Variants in ZMAT3 observed in about 807,000 individuals in gnomAD.
ZMAT3 encodes the protein zinc finger matrin-type 3, also known as zinc finger matrin-type protein 3.
A neutral mutation model predicts 32.3 loss-of-function variants in ZMAT3; 17 were observed. That is an observed-to-expected ratio of 0.53 (90% CI 0.36 to 0.79). The LOEUF (loss-of-function observed/expected upper bound fraction) is 0.79. Ranked by LOEUF, ZMAT3 falls within the 30% of genes least tolerant of loss-of-function variation. The pLI is 0.00. For synonymous variants in ZMAT3, 120 were observed against 133.1 expected (o/e 0.90, Z 0.68); for missense variants, 329 against 359.7 (o/e 0.91, Z 0.69).
At chr3:179,032,774 C>A (rs1719342035) in intron 2 of ZMAT3, among the ~76,000 whole-genome samples, 2 of 151,918 alleles carry the variant, frequency 1.3e-5, no homozygotes, top group Non-Finnish European at 2.9e-5. Flanking sequence ...CGCAGCCGCC[C>A]CGTCTGGGAA....
At chr3:179,058,522 C>T (rs1423098939) in intron 2 of ZMAT3, among the ~76,000 whole-genome samples, 2 of 151,998 alleles carry the variant, frequency 1.3e-5, no homozygotes, top group East Asian at 1.9e-4. Flanking sequence ...TTTGGGAGGC[C>T]GAGGCGGGCG....
chr3:179,070,104 G>A (rs1560101933), intron 1 of ZMAT3, among the ~76,000 whole-genome samples: 1 of 147,652 alleles, frequency 6.8e-6, no homozygotes. Flanking sequence ...TAGTTCATTA[G>A]TGAAAAGGTG....
At chr3:179,038,324 T>C (rs1454669360) in intron 2 of ZMAT3, among the ~76,000 whole-genome samples, 1 of 152,212 alleles carries the variant, frequency 6.6e-6, no homozygotes, top group Non-Finnish European at 1.5e-5. Flanking sequence ...CTCATGCCTA[T>C]AATCCCAGCA....
At chr3:179,042,008 A>T (rs1270403064) in intron 2 of ZMAT3, among the ~76,000 whole-genome samples, 1 of 152,216 alleles carries the variant, frequency 6.6e-6, no homozygotes, top group African/African-American at 2.4e-5. Flanking sequence ...ACTCCTGGGC[A>T]CATACACCCT....
intron 2 of ZMAT3, among the ~76,000 whole-genome samples, chr3:179,056,482 T>C (rs533814129): frequency 9.2e-5 from 14 of 152,142 alleles, no homozygotes; most frequent in Non-Finnish European, 1.9e-4. Flanking sequence ...CAAGTAGAAA[T>C]AAGCCGCCCC....
Position 179,023,157 on chromosome 3 carries a change from T to C in ZMAT3, c.*1860A>G, listed in dbSNP as rs950202555. 1 of 121,652 alleles carries C rather than the reference T, an allele frequency of 8.2e-6. No homozygotes were observed. The highest frequency in any genetic ancestry group is 3.3e-5 in the African/African-American group (1 of 30,020). 7.5% of individuals were successfully genotyped at this position (121,652 alleles called of 1,614,324 possible). On this transcript the variant is annotated 3_prime_UTR_variant, in exon 6 of 6. Coordinates refer to ENST00000311417, the MANE Select transcript of ZMAT3 (RefSeq NM_022470.4). ...CATTAGTTAATCTAGATATATATTA[T>C]AGCTTCTTTTTTTTTTTTTTTGGAG...
intron 2 of ZMAT3, among the ~76,000 whole-genome samples, chr3:179,047,612 G>A (rs1720310949): frequency 6.6e-6 from 1 of 152,030 alleles, no homozygotes; most frequent in Non-Finnish European, 1.5e-5. Context: ...CAGCACTTTG[G>A]GAGGCTGAGG....
At chr3:179,058,057 G>A (rs1348785209) in intron 2 of ZMAT3, among the ~76,000 whole-genome samples, 1 of 152,192 alleles carries the variant, frequency 6.6e-6, no homozygotes. Context: ...CTTGCAACCC[G>A]TGGTATACCT....
At chr3:179,028,926 G>A (rs1448928826) in intron 3 of ZMAT3, among the ~76,000 whole-genome samples, 2 of 152,098 alleles carry the variant, frequency 1.3e-5, no homozygotes, top group Non-Finnish European at 2.9e-5. Context: ...TTGGGAGGCC[G>A]AGGCAGGTGG....
chr3:179,064,504 A>T (rs1721305430), intron 2 of ZMAT3, among the ~76,000 whole-genome samples: 1 of 152,118 alleles, frequency 6.6e-6, no homozygotes, highest in South Asian at 2.1e-4. Context: ...ATTATAGCTC[A>T]CTGCTGCCTC....
At chr3:179,038,544 C>T (rs1719730710) in intron 2 of ZMAT3, among the ~76,000 whole-genome samples, 1 of 152,198 alleles carries the variant, frequency 6.6e-6, no homozygotes, top group Non-Finnish European at 1.5e-5. Context: ...CAATGCTACA[C>T]TCCAGCTGGG....
At chr3:179,038,044 A>G (rs1263094916) in intron 2 of ZMAT3, among the ~76,000 whole-genome samples, 2 of 152,168 alleles carry the variant, frequency 1.3e-5, no homozygotes, top group African/African-American at 4.8e-5. Context: ...ACAGGGAGAG[A>G]GTGGGGTGGG....
chr3:179,051,082 A>T (rs545605105), intron 2 of ZMAT3, among the ~76,000 whole-genome samples: 1 of 152,222 alleles, frequency 6.6e-6, no homozygotes, highest in South Asian at 2.1e-4. Context: ...GGAGCAAGAC[A>T]AGGATGCCCA....
intron 2 of ZMAT3, among the ~76,000 whole-genome samples, chr3:179,039,176 G>C (rs1255544355): frequency 1.3e-5 from 2 of 152,230 alleles, no homozygotes; most frequent in African/African-American, 4.8e-5. Flanking sequence ...AAAGTTCAAT[G>C]TCCCTTTCTG....
chr3:179,048,286 C>T (rs1720352618), intron 2 of ZMAT3, among the ~76,000 whole-genome samples: 1 of 152,168 alleles, frequency 6.6e-6, no homozygotes, highest in African/African-American at 2.4e-5. Flanking sequence ...GAGATCTAGA[C>T]ATCCGAATAC....
intron 2 of ZMAT3, among the ~76,000 whole-genome samples, chr3:179,044,650 A>G (rs1360431162): frequency 6.6e-6 from 1 of 152,186 alleles, no homozygotes; most frequent in Non-Finnish European, 1.5e-5. Context: ...TCTCAAAAGA[A>G]AAAAAGAAAG....
In ZMAT3 at chr3:179,067,651, T is replaced by C. The variant is rs977521622; in HGVS notation, c.102A>G (p.Pro34=). The change falls in exon 2 of 6, where the codon CCA becomes CCG. Residue 34 remains proline (P), a synonymous_variant. Transcript: ENST00000311417. ...CCTCCTGCCCAAAAGGCTTCTGTGG[T>C]GGAAGCTGCAAGGTTCCTGTAGACC... ...ATRSTGTLQL[P]PQKPFGQEAS... The C allele has an allele frequency of 6.2e-7, 1 of 1,614,032 alleles. No individual in the cohort carries two copies. The highest frequency in any genetic ancestry group is 1.3e-5 in the African/African-American group (1 of 74,920).
intron 1 of ZMAT3, chr3:179,071,223 A>T (rs2108596558): frequency 6.6e-6 from 1 of 152,316 alleles, no homozygotes; most frequent in Non-Finnish European, 1.5e-5. Flanking sequence ...AATCCTAGAG[A>T]ACTGTTTACA....
At chr3:179,038,657 G>T (rs903290833) in intron 2 of ZMAT3, among the ~76,000 whole-genome samples, 3 of 152,202 alleles carry the variant, frequency 2.0e-5, no homozygotes, top group African/African-American at 7.2e-5. Flanking sequence ...GCAGCAGACG[G>T]GTGATATCCG....
Sources: allele counts gnomAD v4.1 joint callset (sites outside exome capture counted in the v4.1 genomes callset), GRCh38; gene constraint gnomAD v4.1.1; transcripts MANE v1.5; gene names NCBI Gene and HGNC (gene_info 2026-07-23, HGNC 2026-07-21).